The following SLC5A4 variants were observed in gnomAD, a reference collection of about 807,000 sequenced individuals.
The protein encoded by SLC5A4 is probable glucose sensor protein SLC5A4.
SLC5A4 carries 55 observed loss-of-function variants against 70.3 expected under a neutral mutation model. The observed-to-expected ratio is 0.78, with a 90% confidence interval of 0.63 to 0.98. SLC5A4 has a LOEUF of 0.98. SLC5A4 is among the 50% of genes least tolerant of loss of function. The pLI is 0.00. For synonymous variants in SLC5A4, 268 were observed against 305.7 expected (o/e 0.88, Z 1.29); for missense variants, 735 against 839.2 (o/e 0.88, Z 1.53).
chr22:32,335,575 G>A, the SLC5A4 span, among the ~76,000 whole-genome samples: 1 of 152,130 alleles, frequency 6.6e-6, no homozygotes, highest in Admixed American at 6.5e-5. Context: ...TGCTCTCTGT[G>A]CCTACATCCA....
the SLC5A4 span, among the ~76,000 whole-genome samples, chr22:32,291,771 C>G: frequency 3.2e-4 from 48 of 150,568 alleles, no homozygotes; most frequent in African/African-American, 1.1e-3. Context: ...TGACCTTAGC[C>G]TATTTATATT....
chr22:32,273,779 C>A, the SLC5A4 span, among the ~76,000 whole-genome samples: 2 of 151,282 alleles, frequency 1.3e-5, no homozygotes, highest in African/African-American at 2.5e-5. Flanking sequence ...CAAGAGAAAG[C>A]AAAACAAACA....
At chr22:32,324,966 C>G in the SLC5A4 span, among the ~76,000 whole-genome samples, 3 of 152,242 alleles carry the variant, frequency 2.0e-5, no homozygotes, top group African/African-American at 7.2e-5. Flanking sequence ...GGGGCTGTAG[C>G]CTGTGAGTGC....
upstream of SLC5A4, among the ~76,000 whole-genome samples, chr22:32,259,703 C>A (rs1927661267): frequency 6.6e-6 from 1 of 152,134 alleles, no homozygotes; most frequent in African/African-American, 2.4e-5. Flanking sequence ...TCATGCAAGC[C>A]TCATGTAATG....
the SLC5A4 span, among the ~76,000 whole-genome samples, chr22:32,352,279 G>A: frequency 7.5e-6 from 1 of 133,130 alleles, no homozygotes; most frequent in African/African-American, 2.7e-5. Context: ...GGGATGGGGG[G>A]AGGGGGGAGG....
At chr22:32,293,880 A>T in the SLC5A4 span, among the ~76,000 whole-genome samples, 1 of 152,140 alleles carries the variant, frequency 6.6e-6, no homozygotes, top group Admixed American at 6.6e-5. Context: ...TATTTTTGCT[A>T]GGTTTAGAAT....
At chr22:32,324,967 CTG>C in the SLC5A4 span, among the ~76,000 whole-genome samples, 1 of 152,262 alleles carries the variant, frequency 6.6e-6, no homozygotes, top group African/African-American at 2.4e-5. Context: ...GGGCTGTAGC[CTG>C]TGAGTGCAGG....
At chr22:32,324,876 T>C in the SLC5A4 span, among the ~76,000 whole-genome samples, 7 of 152,244 alleles carry the variant, frequency 4.6e-5, no homozygotes, top group African/African-American at 1.4e-4. Flanking sequence ...GCTTCCACAT[T>C]GCACAGCCTT....
At chr22:32,328,375 G>C in the SLC5A4 span, among the ~76,000 whole-genome samples, 1 of 152,154 alleles carries the variant, frequency 6.6e-6, no homozygotes, top group Admixed American at 6.5e-5. Flanking sequence ...GGATAGAATA[G>C]AAGTGACAGG....
At chr22:32,330,203 C>CGTGT in the SLC5A4 span, among the ~76,000 whole-genome samples, 1,163 of 46,218 alleles carry the variant, frequency 0.025, 80 homozygotes, top group Non-Finnish European at 0.033. Context: ...TGTGTTGGGC[C>CGTGT]CTGTGTGTAT....
chr22:32,257,971 A>G (rs1446909588), upstream of SLC5A4, among the ~76,000 whole-genome samples: 1 of 150,848 alleles, frequency 6.6e-6, no homozygotes, highest in Admixed American at 6.6e-5. Flanking sequence ...CGCCCAGCTA[A>G]GGTTTTCTTT....
At chr22:32,300,431 G>A in the SLC5A4 span, among the ~76,000 whole-genome samples, 5 of 152,064 alleles carry the variant, frequency 3.3e-5, 1 homozygote, top group South Asian at 6.2e-4. Context: ...TCCAGGTGCC[G>A]TCCGTCACCC....
At chr22:32,284,160 G>A in the SLC5A4 span, among the ~76,000 whole-genome samples, 1 of 152,150 alleles carries the variant, frequency 6.6e-6, no homozygotes, top group East Asian at 1.9e-4. Context: ...AGGAAGCCAA[G>A]CAAAATAGGA....
At chr22:32,309,899 C>T in the SLC5A4 span, among the ~76,000 whole-genome samples, 2 of 151,664 alleles carry the variant, frequency 1.3e-5, no homozygotes, top group African/African-American at 2.4e-5. Context: ...ACCATGTGTG[C>T]TGGGTCTCGG....
the SLC5A4 span, among the ~76,000 whole-genome samples, chr22:32,309,308 G>A: frequency 3.3e-5 from 5 of 152,168 alleles, no homozygotes; most frequent in South Asian, 2.1e-4. Context: ...CCTTACAAAC[G>A]CGGTAGTTCT....
the SLC5A4 span, among the ~76,000 whole-genome samples, chr22:32,268,965 G>A: frequency 6.6e-6 from 1 of 151,822 alleles, no homozygotes. Context: ...GTGTGATCTC[G>A]GCTTACTGCA....
the SLC5A4 span, among the ~76,000 whole-genome samples, chr22:32,329,726 GGT>G: frequency 7.7e-5 from 1 of 13,070 alleles, no homozygotes. Context: ...TGGGGACTCT[GGT>G]GTGTGTGTGT....
chr22:32,347,949 G>A, the SLC5A4 span, among the ~76,000 whole-genome samples: 1 of 151,658 alleles, frequency 6.6e-6, no homozygotes, highest in Non-Finnish European at 1.5e-5. Flanking sequence ...TCAATTTAAA[G>A]AACAGAATTC....
the SLC5A4 span, among the ~76,000 whole-genome samples, chr22:32,290,262 T>A: frequency 6.6e-6 from 1 of 151,926 alleles, no homozygotes. Context: ...CCCCATCCCC[T>A]GACAGGCCCC....
Sources: allele counts gnomAD v4.1 joint callset (sites outside exome capture counted in the v4.1 genomes callset), GRCh38; gene constraint gnomAD v4.1.1; transcripts MANE v1.5; gene names NCBI Gene and HGNC (gene_info 2026-07-23, HGNC 2026-07-21).